The following UMOD variants were observed in gnomAD, a reference collection of about 807,000 sequenced individuals.
UMOD encodes uromodulin.
In UMOD, 64 loss-of-function variants were observed where a neutral mutation model predicts 66.0. That is an observed-to-expected ratio of 0.97 (90% CI 0.79 to 1.19). The LOEUF is 1.19. UMOD is among the 50% of genes most tolerant of loss of function. The pLI, the probability that UMOD is intolerant of heterozygous loss-of-function variation, is 0.00. For synonymous variants in UMOD, 398 were observed against 352.7 expected, an observed-to-expected ratio of 1.13 and a Z score of -1.44; for missense variants, 764 against 850.9, an observed-to-expected ratio of 0.90 and a Z score of 1.27.
intron 7 of UMOD, among the ~76,000 whole-genome samples, chr16:20,339,076 AG>A (rs1965041366): frequency 6.6e-6 from 1 of 152,204 alleles, no homozygotes; most frequent in South Asian, 2.1e-4. Flanking sequence ...ATGAAAAACA[AG>A]TTTTAAAATC....
intron 10 of UMOD, among the ~76,000 whole-genome samples, chr16:20,334,502 A>T (rs544314932): frequency 6.6e-6 from 1 of 152,212 alleles, no homozygotes; most frequent in Non-Finnish European, 1.5e-5. Flanking sequence ...AAATGCATGT[A>T]CGTGACCTTG....
Position 20,344,114 on chromosome 16 carries a change from A to T in UMOD, c.1241T>A (p.Ile414Asn). ...GTTGATTTTGATGTTGAGGTCACGGATGATGATCTCATCTGCCAGGTAGAG... is the reference window on the plus strand; with the variant it reads ...GTTGATTTTGATGTTGAGGTCACGGTTGATGATCTCATCTGCCAGGTAGAG... ...NTLYLADEII[I>N]RDLNIKINFA... Residue 414 changes from isoleucine (I) to asparagine (N), a missense_variant, in exon 6 of 11, where the codon ATC becomes AAC. Ile to Asn is a moderately radical substitution (Grantham distance 149, BLOSUM62 -3). Coordinates refer to ENST00000396138, the MANE Select transcript of UMOD (RefSeq NM_003361.4). The T allele has an allele frequency of 6.9e-7, 1 of 1,441,678 alleles. No individual in the cohort carries two copies. Among genetic ancestry groups the T allele is most frequent in the Non-Finnish European group, 9.3e-7 (1 of 1,071,016 alleles). The allele number at this position is 1,441,678 out of a possible 1,614,324, so 89.3% of individuals were successfully genotyped here.
chr16:20,350,927 T>C, intron 1 of UMOD, 88 bp from the exon 2 acceptor site: 1 of 1,354,652 alleles, frequency 7.4e-7, no homozygotes, highest in Non-Finnish European at 9.9e-7. Flanking sequence ...AGTATACAAC[T>C]CCAGGAGGTG....
At position 20,346,275 on chromosome 16, in the gene UMOD, C is replaced by T. The variant is rs2141666666; in HGVS notation, c.1033G>A (p.Gly345Ser). Residue 345 changes from glycine (G) to serine (S), a missense_variant, in exon 5 of 11, where the codon GGC becomes AGC. Physicochemically the swap from Gly to Ser is moderately conservative, Grantham distance 56. Coordinates refer to ENST00000396138, the MANE Select transcript of UMOD (RefSeq NM_003361.4). ...CCCAGACTCTTCAGCTGGCACTTGC[C>T]CAGCGACACCTTCATGTCATTGGCC... is the stretch of plus-strand genomic sequence containing the variant. ...CGANDMKVSL[G>S]KCQLKSLGFD... 6.2e-7 allele frequency: 1 copy of T among 1,614,250 alleles called. No individual in the cohort carries two copies. Among genetic ancestry groups the T allele is most frequent in the Middle Eastern group, 1.6e-4 (1 of 6,062 alleles).
chr16:20,353,135 G>C (rs974544136), upstream of UMOD, among the ~76,000 whole-genome samples: 8 of 152,182 alleles, frequency 5.3e-5, no homozygotes, highest in African/African-American at 1.9e-4. Context: ...CACTGCCCCA[G>C]ATGGGAGGTG....
Position 20,348,944 on chromosome 16 carries a change from G to A in UMOD, c.357C>T (p.His119=), listed in dbSNP as rs1429449539. ...TGACACATGTGGCCAGGGCGTGGCA[G>A]TGGCTAAGCCCAGGCTCAGCGCACT... The part of the protein sequence containing the change: ...VDECAEPGLS[H]CHALATCVNV... The change falls in exon 3 of 11, where the codon CAC becomes CAT. Residue 119 remains histidine (H), a synonymous_variant. Transcript: ENST00000396138. 2.5e-6 allele frequency: 4 copies of A among 1,573,334 alleles called. No homozygotes were observed. Among genetic ancestry groups the A allele is most frequent in the Non-Finnish European group, 3.4e-6 (4 of 1,159,648 alleles).
rs765984547 is a variant in UMOD, at chr16:20,348,231, T to C, written c.965A>G (p.Asn322Ser). The change falls in exon 4 of 11, where the codon AAC becomes AGC. Residue 322 changes from asparagine to serine, a missense_variant. Transcript: ENST00000396138. ...CTCCCCACTGGCCTCACCAGTGATG[T>C]TGAAGTCCTGTTTGCACTGGCAGTG... is the stretch of plus-strand genomic sequence containing the variant. ...RWHCQCKQDF[N>S]ITDISLLEHR... is the part of the protein sequence containing the mutation. The C allele has an allele frequency of 6.2e-7, 1 of 1,614,040 alleles. No homozygotes were observed. The highest frequency in any genetic ancestry group is 1.7e-5 in the Admixed American group (1 of 60,030).
chr16:20,333,297 G>A lies in UMOD; in HGVS notation c.*17C>T. ...GGTGAGATGGCAGCCATGGAGCACAGGGCTTTCCGCTGTCAGTCACTGAAA... is the reference window on the plus strand; with the variant it reads ...GGTGAGATGGCAGCCATGGAGCACAAGGCTTTCCGCTGTCAGTCACTGAAA... On this transcript the variant is annotated 3_prime_UTR_variant, in exon 11 of 11. Transcript: ENST00000396138. 1 of 1,611,680 alleles carries A rather than the reference G, an allele frequency of 6.2e-7. No individual in the cohort carries two copies. Among genetic ancestry groups the A allele is most frequent in the Non-Finnish European group, 8.5e-7 (1 of 1,179,016 alleles).
At chr16:20,338,850 C>T (rs1965024108) in intron 7 of UMOD, among the ~76,000 whole-genome samples, 1 of 152,100 alleles carries the variant, frequency 6.6e-6, no homozygotes, top group Non-Finnish European at 1.5e-5. Flanking sequence ...ACCTCTGCCT[C>T]CTGGGTTCAA....
chr16:20,343,907 C>T, intron 6 of UMOD, 117 bp downstream of exon 6: 6 of 1,307,394 alleles, frequency 4.6e-6, no homozygotes, highest in Non-Finnish European at 6.5e-6. Context: ...TTGGGCAACC[C>T]TGATTCCCAG....
chr16:20,345,484 C>T (rs189908977), intron 5 of UMOD, among the ~76,000 whole-genome samples: 702 of 50,336 alleles, frequency 0.014, 30 homozygotes, highest in South Asian at 0.11. Flanking sequence ...CCTTCCTTCC[C>T]TCCCTCCCTC....
chr16:20,345,957 C>T (rs552823464), intron 5 of UMOD, among the ~76,000 whole-genome samples, 169 bp downstream of exon 5: 1 of 152,368 alleles, frequency 6.6e-6, no homozygotes, highest in East Asian at 1.9e-4. Flanking sequence ...ATTCAATCCT[C>T]TCAATACACC....
intron 6 of UMOD, 43 bp from the exon 7 acceptor site, chr16:20,341,379 A>C: frequency 1.2e-6 from 2 of 1,608,242 alleles, no homozygotes; most frequent in East Asian, 4.5e-5. Flanking sequence ...GGCTGAGAAC[A>C]TCTGCAGATA....
At position 20,349,795 on chromosome 16, in the gene UMOD, C is replaced by T. The variant is rs768597701; in HGVS notation, c.89-583G>A. Reference sequence around the variant, plus strand: ...CTTCCCTGGCTGGTGAAATCTTCATCAGGACCCTGCTCAGTGTCGCCTCCT... The same window carrying T: ...CTTCCCTGGCTGGTGAAATCTTCATTAGGACCCTGCTCAGTGTCGCCTCCT... On this transcript the variant is annotated intron_variant, in intron 2 of 10. Transcript: ENST00000396138. 2.5e-5 allele frequency: 39 copies of T among 1,549,888 alleles called. No individual in the cohort carries two copies. The South Asian group carries it at 4.3e-4, about 17-fold the overall frequency.
intron 7 of UMOD, 132 bp from the exon 8 acceptor site, chr16:20,337,585 C>T (rs1439071849): frequency 9.7e-7 from 1 of 1,032,528 alleles, no homozygotes; most frequent in African/African-American, 1.6e-5. Context: ...CTCTGTGTAC[C>T]TCAATTTCTC....
chr16:20,335,520 C>T lies in UMOD; in HGVS notation c.1823G>A (p.Gly608Asp). Residue 608 changes from glycine (G) to aspartate (D), a missense_variant and splice_region_variant, in exon 10 of 11, where the codon GGT (glycine) becomes GAT (aspartate). By Grantham distance (94) the Gly-to-Asp change is moderately conservative (BLOSUM62 -1). Transcript: ENST00000396138. Reference protein sequence around the residue: ...VLNLGPITRKGVQATVSRAFS... With the variant: ...VLNLGPITRKDVQATVSRAFS... Reference sequence around the variant, plus strand: ...AGCCCTTGAGACTGTGGCCTGGACACCTTTGGAGGAAAACAGAAGGATCAG... The same window carrying T: ...AGCCCTTGAGACTGTGGCCTGGACATCTTTGGAGGAAAACAGAAGGATCAG... The T allele has an allele frequency of 2.5e-6, 4 of 1,614,088 alleles. 1 individual carries two copies. In the South Asian group the frequency reaches 4.4e-5, roughly 18 times the overall value.
intron 1 of UMOD, among the ~76,000 whole-genome samples, chr16:20,352,013 C>CG (rs1965921479): frequency 7.1e-6 from 1 of 140,230 alleles, no homozygotes; most frequent in African/African-American, 2.9e-5. Flanking sequence ...GAGTCCATCC[C>CG]CCCCCCCCAA....
intron 6 of UMOD, among the ~76,000 whole-genome samples, chr16:20,343,768 T>C (rs1965370098): frequency 1.3e-5 from 2 of 152,190 alleles, no homozygotes; most frequent in African/African-American, 4.8e-5. Flanking sequence ...CTCATACAAC[T>C]AGTAAGTGAC....
chr16:20,343,933 C>T (rs907910552), intron 6 of UMOD, 91 bp downstream of exon 6: 20 of 1,513,416 alleles, frequency 1.3e-5, no homozygotes, highest in Non-Finnish European at 1.6e-5. Flanking sequence ...ACTCCCAGCT[C>T]CCTGTGGGTG....
Sources: gnomAD v4.1 joint callset for allele counts (sites outside exome capture counted in the v4.1 genomes callset) on GRCh38, gnomAD v4.1.1 for gene constraint, MANE v1.5 for transcripts, NCBI Gene and HGNC (gene_info 2026-07-23, HGNC 2026-07-21) for gene names.